CDH5: variants seen among roughly 807,000 people sequenced by gnomAD.
CDH5 encodes the protein cadherin 5.
In CDH5, 28 loss-of-function variants were observed where a neutral mutation model predicts 62.0. The observed-to-expected ratio is 0.45, with a 90% CI of 0.33 to 0.62. The LOEUF (loss-of-function observed/expected upper bound fraction) is 0.62, where lower values mean the gene tolerates loss of function less well. CDH5 is among the 20% of genes least tolerant of loss of function. CDH5 has a pLI of 0.02. For synonymous variants in CDH5, 464 were observed against 445.8 expected (o/e 1.04, Z -0.52); for missense variants, 940 against 1,065.1 (o/e 0.88, Z 1.63).
At chr16:66,402,456 G>A (rs1404531642) in intron 11 of CDH5, among the ~76,000 whole-genome samples, 196 bp from the exon 12 acceptor site, 1 of 123,694 alleles carries the variant, frequency 8.1e-6, no homozygotes, top group Non-Finnish European at 1.7e-5. Context: ...ATGGGGGTAT[G>A]GGGGAACGGC....
Position 66,398,449 on chromosome 16 carries a change from A to G in CDH5, c.1486-7A>G, listed in dbSNP as rs1567468339. The G allele has an allele frequency of 1.3e-6, 2 of 1,574,884 alleles. No homozygotes were observed. Among genetic ancestry groups the G allele is most frequent in the Non-Finnish European group, 1.7e-6 (2 of 1,144,118 alleles). On this transcript the variant is annotated splice_region_variant and splice_polypyrimidine_tract_variant and intron_variant, in intron 9 of 11. Coordinates refer to ENST00000341529, the MANE Select transcript of CDH5 (RefSeq NM_001795.5). ...TCACTGACCATCTCCTGTCTTCCACACTCCAGCTGGTCCTGCAGATCTCCG... is the reference window on the plus strand; with the variant it reads ...TCACTGACCATCTCCTGTCTTCCACGCTCCAGCTGGTCCTGCAGATCTCCG...
intron 7 of CDH5, among the ~76,000 whole-genome samples, chr16:66,393,640 G>C (rs1283908249): frequency 6.6e-6 from 1 of 152,172 alleles, no homozygotes; most frequent in Non-Finnish European, 1.5e-5. Context: ...TTCAACATGA[G>C]ATTCGGTGGG....
At chr16:66,385,465 T>G (rs981456524) in intron 2 of CDH5, among the ~76,000 whole-genome samples, 1 of 152,202 alleles carries the variant, frequency 6.6e-6, no homozygotes, top group Non-Finnish European at 1.5e-5. Flanking sequence ...AGCTGTACAT[T>G]GTAAATCTCC....
At chr16:66,398,143 A>T (rs1567468229) in intron 9 of CDH5, 37 bp downstream of exon 9, 1 of 1,613,278 alleles carries the variant, frequency 6.2e-7, no homozygotes, top group South Asian at 1.1e-5. Flanking sequence ...AGGCAGCACC[A>T]CCCTGGGGCA....
rs992506871 is a variant in CDH5, at chr16:66,386,988, C to G, written c.390C>G (p.Asn130Lys). 3 of 1,614,132 alleles carry G rather than the reference C, an allele frequency of 1.9e-6. No homozygotes were observed. Among genetic ancestry groups the G allele is most frequent in the Non-Finnish European group, 1.7e-6 (2 of 1,179,988 alleles). Residue 130 changes from asparagine to lysine, a missense_variant, in exon 3 of 12, where the codon AAC (asparagine) becomes AAG (lysine). Physicochemically the swap from Asn to Lys is moderately conservative, Grantham distance 94. Coordinates refer to ENST00000341529, the MANE Select transcript of CDH5 (RefSeq NM_001795.5). ...AVIVDKDTGE[N>K]LETPSSFTIK... ...TTGTGGACAAGGACACTGGCGAAAA[C>G]CTGGAGACTCCTTCCAGCTTCACCA... is the stretch of plus-strand genomic sequence containing the variant.
rs757127531 is a variant in CDH5 at position 66,392,249 on chromosome 16, C to T, written c.1083C>T (p.Ile361=). The change falls in exon 7 of 12, where the codon ATC becomes ATT. Residue 361 remains isoleucine (I), a synonymous_variant. Coordinates refer to ENST00000341529, the MANE Select transcript of CDH5 (RefSeq NM_001795.5). ...PPAGNRAQVI[I]NITDVDEPPI... ...CGGGAAACAGAGCCCAGGTCATTAT[C>T]AACATCACAGATGTGGACGAGCCCC... 6.2e-7 allele frequency: 1 copy of T among 1,614,190 alleles called. No individual in the cohort carries two copies. Among genetic ancestry groups the T allele is most frequent in the African/African-American group, 1.3e-5 (1 of 75,048 alleles).
chr16:66,373,541 G>A (rs111298294), intron 1 of CDH5, among the ~76,000 whole-genome samples: 6,349 of 151,734 alleles, frequency 0.042, 168 homozygotes, highest in Non-Finnish European at 0.063. Flanking sequence ...TCAGCCTCCC[G>A]AGTAGCTGGG....
chr16:66,366,878 G>A (rs946454144), intron 1 of CDH5, 120 bp downstream of exon 1: 6 of 152,334 alleles, frequency 3.9e-5, no homozygotes, highest in Non-Finnish European at 8.8e-5. Context: ...TGACAGAGAG[G>A]CTCCTCGAGG....
At chr16:66,373,497 C>T (rs1472653201) in intron 1 of CDH5, among the ~76,000 whole-genome samples, 1 of 151,650 alleles carries the variant, frequency 6.6e-6, no homozygotes, top group East Asian at 1.9e-4. Flanking sequence ...CTCACTGCAA[C>T]CCCCGCCTCC....
rs768451093 is a variant in CDH5, at chr16:66,402,942, G to A, written c.2128G>A (p.Glu710Lys). The A allele has an allele frequency of 3.1e-6, 5 of 1,612,560 alleles. No individual in the cohort carries two copies. In the South Asian group the frequency reaches 3.3e-5, roughly 11 times the overall value. ...GGPGEMAAMI[E>K]VKKDEADHDG... ...GCCCGGGGAGATGGCAGCCATGATC[G>A]AGGTGAAGAAGGACGAGGCGGACCA... Residue 710 changes from glutamate to lysine, a missense_variant, in exon 12 of 12, where the codon GAG becomes AAG. Transcript: ENST00000341529.
At chr16:66,378,806 T>C (rs1960829739) in intron 1 of CDH5, among the ~76,000 whole-genome samples, 1 of 152,142 alleles carries the variant, frequency 6.6e-6, no homozygotes, top group Admixed American at 6.5e-5. Context: ...TCGGAGTTCA[T>C]CAAGGCATGA....
intron 1 of CDH5, among the ~76,000 whole-genome samples, chr16:66,375,671 C>T (rs1170685359): frequency 5.3e-5 from 8 of 152,084 alleles, no homozygotes; most frequent in Non-Finnish European, 1.0e-4. Context: ...TGGCCTAGGA[C>T]GTCACTGTAT....
At chr16:66,393,920 C>T (rs558194192) in intron 7 of CDH5, among the ~76,000 whole-genome samples, 160 of 152,298 alleles carry the variant, frequency 1.1e-3, no homozygotes, top group African/African-American at 3.8e-3. Context: ...AGTTTTGGGA[C>T]TACTCTTCAT....
At chr16:66,395,804 G>A (rs369387147) in intron 7 of CDH5, 13 of 385,528 alleles carry the variant, frequency 3.4e-5, no homozygotes, top group Middle Eastern at 6.7e-4. Flanking sequence ...AGCTCTGAAA[G>A]TGCATCTGAT....
chr16:66,393,990 T>C (rs942939388), intron 7 of CDH5, among the ~76,000 whole-genome samples: 1 of 152,180 alleles, frequency 6.6e-6, no homozygotes, highest in Non-Finnish European at 1.5e-5. Flanking sequence ...GATCCAAGGG[T>C]TTATTTAAGA....
intron 11 of CDH5, 79 bp from the exon 12 acceptor site, chr16:66,402,573 G>T: frequency 7.8e-7 from 1 of 1,276,740 alleles, no homozygotes; most frequent in Non-Finnish European, 1.0e-6. Flanking sequence ...GGTTGCAGGG[G>T]GCAGTGGGGA....
chr16:66,374,260 A>C, intron 1 of CDH5, among the ~76,000 whole-genome samples: 1 of 152,200 alleles, frequency 6.6e-6, no homozygotes, highest in African/African-American at 2.4e-5. Flanking sequence ...GAGGGTGCTC[A>C]AGGCTCTGGC....
chr16:66,381,237 A>G lies in CDH5; in HGVS notation c.210+1690A>G, dbSNP rs890609256. ...CCTGTGACCCCACACAGCTCCCCAT[A>G]TTCCACAACACCTGTAATGAGGTAC... is the stretch of plus-strand genomic sequence containing the variant. On this transcript the variant is annotated intron_variant, in intron 2 of 11. Transcript: ENST00000341529. 2.0e-5 allele frequency among the ~76,000 whole-genome samples: 3 copies of G among 152,166 alleles called. No homozygotes were observed. The East Asian group carries it at 5.8e-4, about 29-fold the overall frequency.
intron 8 of CDH5, 127 bp from the exon 9 acceptor site, chr16:66,397,855 G>C: frequency 5.1e-6 from 5 of 985,140 alleles, no homozygotes; most frequent in Non-Finnish European, 4.7e-6. Flanking sequence ...ACCATCCTGG[G>C]CCTCTGTTCC....
Sources: gnomAD v4.1 joint callset for allele counts (sites outside exome capture counted in the v4.1 genomes callset) on GRCh38, gnomAD v4.1.1 for gene constraint, MANE v1.5 for transcripts, NCBI Gene and HGNC (gene_info 2026-07-23, HGNC 2026-07-21) for gene names.